Variants in DCC observed in about 807,000 individuals in gnomAD.
The protein encoded by DCC is netrin receptor DCC.
DCC carries 58 observed loss-of-function variants against 172.5 expected under a neutral mutation model. The observed-to-expected ratio is 0.34, with a 90% confidence interval of 0.27 to 0.42. DCC has a LOEUF of 0.42. DCC is among the 10% of genes least tolerant of loss of function. The pLI is 1.00. For missense variants in DCC, 1,740 were observed against 1,791.0 expected, an observed-to-expected ratio of 0.97 and a Z score of 0.51; for synonymous variants, 709 against 644.5, an observed-to-expected ratio of 1.10 and a Z score of -1.52.
chr18:53,503,614 G>A (rs1351157517), intron 27 of DCC, among the ~76,000 whole-genome samples: 1 of 152,178 alleles, frequency 6.6e-6, no homozygotes, highest in East Asian at 1.9e-4. Context: ...AAAGGGCTAA[G>A]ATAGGGTGTG....
At chr18:53,527,810 A>T (rs1442469357) in intron 28 of DCC, among the ~76,000 whole-genome samples, 1 of 152,158 alleles carries the variant, frequency 6.6e-6, no homozygotes, top group Non-Finnish European at 1.5e-5. Flanking sequence ...AATTCAAGAG[A>T]AAACATTTAA....
intron 5 of DCC, among the ~76,000 whole-genome samples, chr18:52,973,706 G>A (rs1216277066): frequency 6.6e-6 from 1 of 152,186 alleles, no homozygotes; most frequent in East Asian, 1.9e-4. Context: ...TCTTTACTAT[G>A]TTACAGAAGA....
intron 1 of DCC, among the ~76,000 whole-genome samples, chr18:52,744,434 G>T (rs1465767319): frequency 1.3e-5 from 2 of 151,850 alleles, no homozygotes; most frequent in African/African-American, 2.4e-5. Context: ...CATTATTTAA[G>T]TTCAGGAATT....
intron 9 of DCC, among the ~76,000 whole-genome samples, chr18:53,182,299 G>A (rs769570615): frequency 6.6e-6 from 1 of 152,166 alleles, no homozygotes; most frequent in Non-Finnish European, 1.5e-5. Flanking sequence ...CCATATTTTG[G>A]CCTTTAGTAA....
intron 16 of DCC, among the ~76,000 whole-genome samples, chr18:53,387,119 A>G (rs933744107): frequency 1.3e-5 from 2 of 152,188 alleles, no homozygotes; most frequent in African/African-American, 4.8e-5. Flanking sequence ...CTGATGTTTG[A>G]AATTTGGATG....
At chr18:53,056,120 A>G (rs771041394) in intron 5 of DCC, among the ~76,000 whole-genome samples, 2 of 152,164 alleles carry the variant, frequency 1.3e-5, no homozygotes, top group African/African-American at 2.4e-5. Flanking sequence ...TAACTTATAA[A>G]GAAAAGAATG....
At chr18:52,613,463 G>A (rs576969833) in intron 1 of DCC, among the ~76,000 whole-genome samples, 1 of 152,172 alleles carries the variant, frequency 6.6e-6, no homozygotes, top group East Asian at 1.9e-4. Context: ...CACCGTGTTA[G>A]CCAGGATGGT....
chr18:52,691,582 C>A (rs1371263824), intron 1 of DCC, among the ~76,000 whole-genome samples: 4 of 152,110 alleles, frequency 2.6e-5, no homozygotes, highest in African/African-American at 9.7e-5. Flanking sequence ...CTCAGGGGGG[C>A]TTCTTCCCTC....
At chr18:53,204,356 A>G (rs2055592030) in intron 9 of DCC, among the ~76,000 whole-genome samples, 1 of 152,128 alleles carries the variant, frequency 6.6e-6, no homozygotes, top group Non-Finnish European at 1.5e-5. Context: ...CTGGGCAACA[A>G]CATAGTGAGA....
intron 1 of DCC, among the ~76,000 whole-genome samples, chr18:52,426,777 A>G (rs1987443086): frequency 7.3e-6 from 1 of 136,446 alleles, no homozygotes; most frequent in Non-Finnish European, 1.5e-5. Flanking sequence ...TTCAAATGGC[A>G]TGTGGAATGT....
chr18:52,629,949 CAA>C (rs540334133), intron 1 of DCC, among the ~76,000 whole-genome samples: 4,225 of 40,466 alleles, frequency 0.1, 50 homozygotes, highest in African/African-American at 0.16. Context: ...GACTCCGTCT[CAA>C]AAAAAAAAAA....
At chr18:52,439,174 TTGTGTGTGTGTG>T (rs60983168) in intron 1 of DCC, among the ~76,000 whole-genome samples, 3 of 144,852 alleles carry the variant, frequency 2.1e-5, no homozygotes, top group East Asian at 2.0e-4. Flanking sequence ...AAGATATGTT[TTGTGTGTGTGTG>T]TGTGTGTGTG....
chr18:53,014,115 A>G (rs959102079), intron 5 of DCC, among the ~76,000 whole-genome samples: 3 of 152,102 alleles, frequency 2.0e-5, no homozygotes, highest in Non-Finnish European at 2.9e-5. Flanking sequence ...TGTGCTAGAT[A>G]TTCTGATCGT....
intron 5 of DCC, among the ~76,000 whole-genome samples, chr18:53,036,988 C>T (rs1349302829): frequency 6.6e-6 from 1 of 151,950 alleles, no homozygotes; most frequent in East Asian, 1.9e-4. Flanking sequence ...GGTAGTAGAG[C>T]AGGATCCATA....
chr18:52,611,140 C>G (rs572214991), intron 1 of DCC, among the ~76,000 whole-genome samples: 7 of 152,278 alleles, frequency 4.6e-5, no homozygotes, highest in African/African-American at 1.4e-4. Context: ...TGACCCCCCC[C>G]TCCTGACAAC....
intron 1 of DCC, among the ~76,000 whole-genome samples, chr18:52,676,295 CTTGAA>C (rs1472897413): frequency 6.6e-6 from 1 of 152,126 alleles, no homozygotes; most frequent in African/African-American, 2.4e-5. Context: ...AGAGAATTAA[CTTGAA>C]TTGAATGAAG....
intron 1 of DCC, among the ~76,000 whole-genome samples, chr18:52,477,519 T>C (rs575200934): frequency 1.3e-5 from 2 of 152,192 alleles, no homozygotes; most frequent in African/African-American, 2.4e-5. Context: ...AAGTGAGTGT[T>C]CTCATGCATG....
chr18:52,495,701 C>T (rs1442980419), intron 1 of DCC, among the ~76,000 whole-genome samples: 1 of 151,898 alleles, frequency 6.6e-6, no homozygotes, highest in Admixed American at 6.6e-5. Flanking sequence ...ATTGAGTGAG[C>T]TTGAGAAGCT....
At chr18:52,686,181 G>T (rs2035830936) in intron 1 of DCC, among the ~76,000 whole-genome samples, 1 of 152,096 alleles carries the variant, frequency 6.6e-6, no homozygotes, top group Non-Finnish European at 1.5e-5. Flanking sequence ...AGTGCATGCT[G>T]ATCTCCTCAT....
Sources: allele counts gnomAD v4.1 joint callset (sites outside exome capture counted in the v4.1 genomes callset), GRCh38; gene constraint gnomAD v4.1.1; transcripts MANE v1.5; gene names NCBI Gene and HGNC (gene_info 2026-07-23, HGNC 2026-07-21).